Variants in ANGPT1 observed in about 807,000 individuals in gnomAD.
The protein encoded by ANGPT1 is angiopoietin-1.
A neutral mutation model predicts 62.2 loss-of-function variants in ANGPT1; 17 were observed. The observed-to-expected ratio is 0.27, with a 90% CI of 0.19 to 0.41. The LOEUF (loss-of-function observed/expected upper bound fraction) is 0.41, where lower values mean the gene tolerates loss of function less well. ANGPT1 is among the 10% of genes least tolerant of loss of function. The pLI is 1.00. For synonymous variants in ANGPT1, 199 were observed against 198.9 expected (o/e 1.00, Z 0.00); for missense variants, 478 against 594.9 (o/e 0.80, Z 2.04).
intron 1 of ANGPT1, among the ~76,000 whole-genome samples, chr8:107,350,977 A>G (rs934415507): frequency 1.3e-5 from 2 of 152,128 alleles, no homozygotes; most frequent in Non-Finnish European, 2.9e-5. Context: ...TTGTCTTCAT[A>G]TATTCCCTAC....
At chr8:107,426,301 C>T (rs1185103035) in intron 1 of ANGPT1, among the ~76,000 whole-genome samples, 1 of 152,156 alleles carries the variant, frequency 6.6e-6, no homozygotes, top group African/African-American at 2.4e-5. Context: ...AGAGAAAGGG[C>T]AACCCCAGTA....
chr8:107,419,202 T>C lies in ANGPT1; in HGVS notation c.298-72105A>G, dbSNP rs1810831513. Among the ~76,000 whole-genome samples, 4 of 152,078 alleles carry C rather than the reference T, an allele frequency of 2.6e-5. No individual in the cohort carries two copies. In the South Asian group the frequency reaches 8.3e-4, roughly 32 times the overall value. ...ATTTTGATAGGGTTCAAAACACAGC[T>C]TCTAGCCATTTGAGGAAACAGCAGA... On this transcript the variant is annotated intron_variant, in intron 1 of 8. Coordinates refer to ENST00000517746, the MANE Select transcript of ANGPT1 (RefSeq NM_001146.5).
intron 4 of ANGPT1, among the ~76,000 whole-genome samples, chr8:107,313,429 G>GTTTTTTTTTTTTTT (rs71308720): frequency 1.6e-5 from 1 of 64,182 alleles, no homozygotes. Flanking sequence ...GTTACTAGTT[G>GTTTTTTTTTTTTTT]TTTTTTTTTT....
At chr8:107,376,272 G>T (rs2130258805) in intron 1 of ANGPT1, among the ~76,000 whole-genome samples, 1 of 152,286 alleles carries the variant, frequency 6.6e-6, no homozygotes, top group Admixed American at 6.5e-5. Context: ...TGCTCGCCAT[G>T]TGGTTGAAAT....
At chr8:107,450,705 G>GGTGT (rs140884696) in intron 1 of ANGPT1, among the ~76,000 whole-genome samples, 18,045 of 142,048 alleles carry the variant, frequency 0.13, 1,435 homozygotes, top group African/African-American at 0.25. Context: ...AATGGGAATA[G>GGTGT]GTGTGTGTGT....
chr8:107,253,670 T>C (rs1813295396), intron 8 of ANGPT1, among the ~76,000 whole-genome samples: 2 of 152,146 alleles, frequency 1.3e-5, no homozygotes, highest in Admixed American at 6.5e-5. Flanking sequence ...AAAATGTGTG[T>C]TTTTGTTTAT....
chr8:107,373,231 T>C (rs573469944), intron 1 of ANGPT1, among the ~76,000 whole-genome samples: 2 of 151,950 alleles, frequency 1.3e-5, no homozygotes, highest in East Asian at 2.0e-4. Context: ...TCTTAAGTGG[T>C]CATTAACTTC....
chr8:107,391,212 A>G (rs928241043), intron 1 of ANGPT1, among the ~76,000 whole-genome samples: 1 of 152,192 alleles, frequency 6.6e-6, no homozygotes, highest in Non-Finnish European at 1.5e-5. Flanking sequence ...TCCCATCATA[A>G]TGTGGGGCTG....
intron 7 of ANGPT1, among the ~76,000 whole-genome samples, chr8:107,269,257 A>G (rs2130061190): frequency 6.6e-6 from 1 of 152,082 alleles, no homozygotes; most frequent in East Asian, 1.9e-4. Context: ...GTTATTTGAT[A>G]CAGGTAAATT....
chr8:107,392,908 G>A (rs1248152815), intron 1 of ANGPT1, among the ~76,000 whole-genome samples: 2 of 152,036 alleles, frequency 1.3e-5, no homozygotes, highest in Non-Finnish European at 2.9e-5. Context: ...ATATGTGTGC[G>A]GATCTATTTC....
chr8:107,304,287 G>T (rs907826631), intron 4 of ANGPT1, among the ~76,000 whole-genome samples: 1 of 151,484 alleles, frequency 6.6e-6, no homozygotes, highest in Non-Finnish European at 1.5e-5. Context: ...ACATTTAATA[G>T]TTCTTAGCTA....
chr8:107,327,827 A>G (rs1304511655), intron 3 of ANGPT1, among the ~76,000 whole-genome samples: 1 of 152,048 alleles, frequency 6.6e-6, no homozygotes, highest in Admixed American at 6.6e-5. Context: ...AAACAAAATA[A>G]TCTGTGCCTC....
At chr8:107,253,344 C>T (rs1047219692) in intron 8 of ANGPT1, among the ~76,000 whole-genome samples, 11 of 152,124 alleles carry the variant, frequency 7.2e-5, no homozygotes, top group Admixed American at 5.9e-4. Flanking sequence ...ATTAATTCTT[C>T]TAATTTTTGA....
intron 7 of ANGPT1, among the ~76,000 whole-genome samples, chr8:107,276,591 T>C (rs1441477264): frequency 1.3e-5 from 2 of 151,650 alleles, no homozygotes; most frequent in African/African-American, 4.8e-5. Context: ...GTTTTGTCCT[T>C]GAAATACATA....
intron 1 of ANGPT1, among the ~76,000 whole-genome samples, chr8:107,411,318 T>C (rs7823654): frequency 9.1e-4 from 138 of 152,304 alleles, no homozygotes; most frequent in African/African-American, 3.2e-3. Context: ...TAAATATAAG[T>C]TGTATTAATA....
At chr8:107,468,540 T>C (rs1812265408) in intron 1 of ANGPT1, among the ~76,000 whole-genome samples, 1 of 152,022 alleles carries the variant, frequency 6.6e-6, no homozygotes, top group Non-Finnish European at 1.5e-5. Context: ...CATCTACATA[T>C]AATATTAATA....
intron 1 of ANGPT1, among the ~76,000 whole-genome samples, chr8:107,464,305 C>T (rs1017750989): frequency 5.3e-5 from 8 of 152,044 alleles, no homozygotes; most frequent in African/African-American, 1.9e-4. Flanking sequence ...TATGACTTGC[C>T]TCTATGCATC....
intron 8 of ANGPT1, among the ~76,000 whole-genome samples, chr8:107,257,948 T>TCTC (rs754355953): frequency 1.0e-4 from 11 of 109,708 alleles, no homozygotes; most frequent in African/African-American, 2.7e-4. Context: ...CTCTCTCTCT[T>TCTC]TCTTTCTTTC....
chr8:107,487,639 G>A (rs947747316), intron 1 of ANGPT1, among the ~76,000 whole-genome samples: 1 of 152,048 alleles, frequency 6.6e-6, no homozygotes, highest in African/African-American at 2.4e-5. Context: ...AGCACATTAT[G>A]ATATAGCACA....
Sources: allele counts gnomAD v4.1 joint callset (sites outside exome capture counted in the v4.1 genomes callset), GRCh38; gene constraint gnomAD v4.1.1; transcripts MANE v1.5; gene names NCBI Gene and HGNC (gene_info 2026-07-23, HGNC 2026-07-21).